The following NIM1K variants were observed in gnomAD, a reference collection of about 807,000 sequenced individuals.
NIM1K encodes serine/threonine-protein kinase NIM1.
NIM1K carries 35 observed loss-of-function variants against 37.1 expected under a neutral mutation model. That is an observed-to-expected ratio of 0.94 (90% CI 0.72 to 1.25). NIM1K has a LOEUF of 1.25. NIM1K is among the 50% of genes most tolerant of loss of function. NIM1K has a pLI of 0.00. For missense variants in NIM1K, 564 were observed against 548.0 expected (o/e 1.03, Z -0.29); for synonymous variants, 234 against 206.6 (o/e 1.13, Z -1.14).
At chr5:43,257,767 T>G (rs944334295) in intron 2 of NIM1K, among the ~76,000 whole-genome samples, 6 of 151,738 alleles carry the variant, frequency 4.0e-5, no homozygotes, top group African/African-American at 1.5e-4. Flanking sequence ...TAACTTTTTT[T>G]TTTTTTTTAA....
At chr5:43,244,620 A>G (rs7734884) in intron 1 of NIM1K, among the ~76,000 whole-genome samples, 1 of 152,040 alleles carries the variant, frequency 6.6e-6, no homozygotes, top group Non-Finnish European at 1.5e-5. Flanking sequence ...TCATAAAATG[A>G]CATAGGAAGA....
intron 1 of NIM1K, among the ~76,000 whole-genome samples, chr5:43,235,150 G>A (rs1752603539): frequency 1.3e-5 from 2 of 152,114 alleles, no homozygotes; most frequent in Middle Eastern, 3.4e-3. Context: ...TATAGACAAG[G>A]GTGAACCTTA....
intron 2 of NIM1K, among the ~76,000 whole-genome samples, chr5:43,254,936 T>A (rs1381484372): frequency 1.3e-5 from 2 of 152,222 alleles, no homozygotes; most frequent in Non-Finnish European, 1.5e-5. Flanking sequence ...TTCAAAATTG[T>A]ATTTTCTTAC....
chr5:43,214,911 A>G (rs2112222981), intron 1 of NIM1K, among the ~76,000 whole-genome samples: 1 of 152,114 alleles, frequency 6.6e-6, no homozygotes, highest in African/African-American at 2.4e-5. Context: ...TCACACTTAT[A>G]ATTAATTATT....
chr5:43,220,096 C>CA (rs1561077318), intron 1 of NIM1K, among the ~76,000 whole-genome samples: 2 of 151,950 alleles, frequency 1.3e-5, no homozygotes, highest in African/African-American at 4.8e-5. Flanking sequence ...TCTTTTATTG[C>CA]TTATATTTTT....
chr5:43,233,348 TAAC>T (rs893398607), intron 1 of NIM1K, among the ~76,000 whole-genome samples: 2 of 151,854 alleles, frequency 1.3e-5, no homozygotes, highest in Admixed American at 1.3e-4. Context: ...CTCTTGTCCC[TAAC>T]AACTGCCACC....
At chr5:43,227,677 G>C (rs1214976040) in intron 1 of NIM1K, among the ~76,000 whole-genome samples, 2 of 152,108 alleles carry the variant, frequency 1.3e-5, no homozygotes, top group African/African-American at 4.8e-5. Flanking sequence ...AGTCCATCTA[G>C]GGTTTATTAT....
chr5:43,213,213 C>CTTTCTTTCTTTCTTTCT (rs1554013580), intron 1 of NIM1K, among the ~76,000 whole-genome samples: 1 of 45,566 alleles, frequency 2.2e-5, no homozygotes, highest in Admixed American at 1.7e-4. Context: ...TTCTTTCTTT[C>CTTTCTTTCTTTCTTTCT]TTTCTTTCTT....
chr5:43,263,714 G>A (rs1257979829), intron 2 of NIM1K, among the ~76,000 whole-genome samples: 1 of 152,152 alleles, frequency 6.6e-6, no homozygotes, highest in Middle Eastern at 3.4e-3. Flanking sequence ...TGTGATGTTA[G>A]GGTGTCAATT....
Position 43,280,636 on chromosome 5 carries a change from GAT to G in NIM1K, c.1219_1220del (p.Met407AlafsTer5), listed in dbSNP as rs759591353. 2 of 1,614,050 alleles carry G rather than the reference GAT, an allele frequency of 1.2e-6. No individual in the cohort carries two copies. Among genetic ancestry groups the G allele is most frequent in the South Asian group, 2.2e-5 (2 of 91,084 alleles). ...AGGCTTTGGAAAGTGTCCCAGTCAT[GAT>G]GCTACCAGACCCTAAAGAAAGAGAC... ...KKALESVPVM[M>X]LPDPKERDLK... On this transcript the variant is annotated frameshift_variant, in exon 4 of 4. Coordinates refer to ENST00000326035, the MANE Select transcript of NIM1K (RefSeq NM_153361.4). LOFTEE classifies it high-confidence loss of function.
intron 1 of NIM1K, among the ~76,000 whole-genome samples, chr5:43,235,694 G>C (rs1388333301): frequency 6.6e-6 from 1 of 152,122 alleles, no homozygotes; most frequent in Non-Finnish European, 1.5e-5. Context: ...AAATAAACTT[G>C]GGGACCACTG....
intron 2 of NIM1K, among the ~76,000 whole-genome samples, chr5:43,276,239 T>G (rs972051125): frequency 6.6e-6 from 1 of 152,218 alleles, no homozygotes; most frequent in African/African-American, 2.4e-5. Flanking sequence ...AGCTCATGAT[T>G]CTGCAGGCTG....
At chr5:43,273,779 C>T (rs1753294999) in intron 2 of NIM1K, among the ~76,000 whole-genome samples, 1 of 152,210 alleles carries the variant, frequency 6.6e-6, no homozygotes, top group Non-Finnish European at 1.5e-5. Context: ...TCCTCACTTC[C>T]TGGTCACAAT....
intron 1 of NIM1K, among the ~76,000 whole-genome samples, chr5:43,216,704 A>G (rs1022579201): frequency 6.6e-6 from 1 of 152,222 alleles, no homozygotes; most frequent in Non-Finnish European, 1.5e-5. Context: ...TATTTTGGAC[A>G]GTTTGAGCAA....
rs1182794059 is a variant in NIM1K at position 43,280,228 on chromosome 5, A to G, written c.810A>G (p.Pro270=). 2 of 1,613,978 alleles carry G rather than the reference A, an allele frequency of 1.2e-6. No homozygotes were observed. Among genetic ancestry groups the G allele is most frequent in the East Asian group, 2.2e-5 (1 of 44,872 alleles). The change falls in exon 4 of 4, where the codon CCA becomes CCG. Residue 270 remains proline, a synonymous_variant. Coordinates refer to ENST00000326035, the MANE Select transcript of NIM1K (RefSeq NM_153361.4). The part of the protein sequence containing the change: ...LLYFMVTGTM[P]FRAETVAKLK... Reference sequence around the variant, plus strand: ...ACTTCATGGTGACTGGCACCATGCCATTTCGGGCAGAAACCGTGGCCAAAC... The same window carrying G: ...ACTTCATGGTGACTGGCACCATGCCGTTTCGGGCAGAAACCGTGGCCAAAC...
chr5:43,199,226 T>A (rs1375464436), intron 1 of NIM1K, among the ~76,000 whole-genome samples: 34 of 116,586 alleles, frequency 2.9e-4, no homozygotes, highest in South Asian at 8.7e-4. Flanking sequence ...TATATATATA[T>A]ATATATATAT....
intron 1 of NIM1K, chr5:43,206,678 T>TC (rs1419239977): frequency 2.9e-6 from 2 of 690,078 alleles, no homozygotes; most frequent in Admixed American, 4.1e-5. Flanking sequence ...CCAAGGCCAC[T>TC]CCCCCAGGTA....
chr5:43,217,359 A>G (rs1315382633), intron 1 of NIM1K, among the ~76,000 whole-genome samples: 2 of 150,826 alleles, frequency 1.3e-5, no homozygotes, highest in Non-Finnish European at 2.9e-5. Context: ...ACATGTATTT[A>G]TCCATTCATC....
At chr5:43,227,720 C>T (rs1429319165) in intron 1 of NIM1K, among the ~76,000 whole-genome samples, 4 of 152,010 alleles carry the variant, frequency 2.6e-5, no homozygotes, top group African/African-American at 9.7e-5. Context: ...TTATTATGGG[C>T]TTTTATTATT....
Sources: gnomAD v4.1 joint callset for allele counts (sites outside exome capture counted in the v4.1 genomes callset) on GRCh38, gnomAD v4.1.1 for gene constraint, MANE v1.5 for transcripts, NCBI Gene and HGNC (gene_info 2026-07-23, HGNC 2026-07-21) for gene names.